The following KIF15 variants were observed in gnomAD, a reference collection of about 807,000 sequenced individuals.
KIF15 encodes kinesin-like protein KIF15.
In KIF15, 140 loss-of-function variants were observed where a neutral mutation model predicts 190.6. That is an observed-to-expected ratio of 0.73 (90% confidence interval 0.64 to 0.84). The LOEUF is 0.84. Among genes scored for constraint, KIF15 ranks in the 40% least tolerant of loss-of-function variants. The pLI is 0.00. For missense variants in KIF15, 1,372 were observed against 1,584.4 expected, an observed-to-expected ratio of 0.87 and a Z score of 2.28; for synonymous variants, 528 against 551.3, an observed-to-expected ratio of 0.96 and a Z score of 0.59.
chr3:44,794,806 A>G (rs976938367), intron 8 of KIF15, among the ~76,000 whole-genome samples: 1 of 152,078 alleles, frequency 6.6e-6, no homozygotes, highest in Non-Finnish European at 1.5e-5. Context: ...CTAAAAAAAT[A>G]CAAAAGTCAG....
At chr3:44,838,555 C>A in intron 27 of KIF15, 134 bp downstream of exon 27, 1 of 819,526 alleles carries the variant, frequency 1.2e-6, no homozygotes, top group Non-Finnish European at 1.8e-6. Context: ...GCAGTCTGGC[C>A]AACATGGTGA....
At position 44,826,434 on chromosome 3, in the gene KIF15, TGAA is replaced by T. The variant is rs1221531966; in HGVS notation, c.2766_2768del (p.Glu922del). The T allele has an allele frequency of 6.2e-7, 1 of 1,612,236 alleles. No individual in the cohort carries two copies. The highest frequency in any genetic ancestry group is 2.2e-5 in the East Asian group (1 of 44,852). ...GCAATAACAAATTATCATTACAGTTTGAAGAAGATAAAGAAAACAGTTCTAAGT... is the reference window on the plus strand; with the variant it reads ...GCAATAACAAATTATCATTACAGTTTGAAGATAAAGAAAACAGTTCTAAGT... On this transcript the variant is annotated inframe_deletion, in exon 22 of 35. Transcript: ENST00000326047.
At chr3:44,830,573 A>G (rs1421682925) in intron 25 of KIF15, among the ~76,000 whole-genome samples, 2 of 152,164 alleles carry the variant, frequency 1.3e-5, no homozygotes, top group East Asian at 3.8e-4. Context: ...TTCAGTGTTG[A>G]TGCTTTTCTC....
intron 11 of KIF15, 31 bp downstream of exon 11, chr3:44,800,468 G>A (rs1241401959): frequency 6.2e-7 from 1 of 1,602,306 alleles, no homozygotes; most frequent in Non-Finnish European, 8.5e-7. Context: ...TTTATCTTGG[G>A]GAAGACTGTA....
chr3:44,825,938 G>A (rs988044532), intron 20 of KIF15, 101 bp from the exon 21 acceptor site: 2 of 1,045,372 alleles, frequency 1.9e-6, no homozygotes, highest in Non-Finnish European at 2.8e-6. Flanking sequence ...ATGTGAGTTG[G>A]GAATGGGCTG....
At chr3:44,812,481 A>G (rs1167349425) in intron 18 of KIF15, among the ~76,000 whole-genome samples, 192 bp downstream of exon 18, 1 of 152,230 alleles carries the variant, frequency 6.6e-6, no homozygotes, top group Non-Finnish European at 1.5e-5. Context: ...CTTGTTACTT[A>G]GCATGCTGCT....
At chr3:44,866,220 C>T (rs1699321282) in intron 6 of KIF15, among the ~76,000 whole-genome samples, 1 of 151,792 alleles carries the variant, frequency 6.6e-6, no homozygotes. Context: ...CTACAGGCAC[C>T]CGCCACCATG....
Position 44,829,621 on chromosome 3 carries a change from A to G in KIF15, c.2944-350A>G, listed in dbSNP as rs1697930841. ...ATATATGCATATATATTATATATGTATATACATTATATATGTATATATTAT... is the reference window on the plus strand; with the variant it reads ...ATATATGCATATATATTATATATGTGTATACATTATATATGTATATATTAT... On this transcript the variant is annotated intron_variant, in intron 24 of 34. Coordinates refer to ENST00000326047, the MANE Select transcript of KIF15 (RefSeq NM_020242.3). Among the ~76,000 whole-genome samples the G allele has an allele frequency of 7.2e-5, 9 of 125,110 alleles. 1 individual carries two copies. Among genetic ancestry groups the G allele is most frequent in the African/African-American group, 2.7e-4 (8 of 29,674 alleles). The allele number at this position is 125,110 out of a possible 152,430, so 82.1% of individuals were successfully genotyped here. A position where few individuals can be genotyped will look rare whatever the true frequency, so the allele number is the denominator to read the frequency against.
intron 24 of KIF15, among the ~76,000 whole-genome samples, chr3:44,829,614 T>TATGTATATG: frequency 7.6e-6 from 1 of 132,230 alleles, no homozygotes; most frequent in African/African-American, 2.9e-5. Flanking sequence ...ATATATATTA[T>TATGTATATG]ATATGTATAT....
In KIF15 at chr3:44,775,359, C is replaced by T. The variant is rs760755440; in HGVS notation, c.168C>T (p.Ser56=). ...ACTTATGCTTATCTGTGCTGTCCTC[C>T]ACGAGTCTCCGGCTGCACTCCAACC... ...EQNLCLSVLS[S]TSLRLHSNPE... The change falls in exon 3 of 35, where the codon TCC becomes TCT. Residue 56 remains serine, a synonymous_variant. Transcript: ENST00000326047. 2 of 1,613,998 alleles carry T rather than the reference C, an allele frequency of 1.2e-6. No homozygotes were observed. Among genetic ancestry groups the T allele is most frequent in the Admixed American group, 3.3e-5 (2 of 60,004 alleles).
intron 20 of KIF15, among the ~76,000 whole-genome samples, chr3:44,816,837 C>T (rs1335298213): frequency 6.6e-6 from 1 of 152,222 alleles, no homozygotes; most frequent in Non-Finnish European, 1.5e-5. Flanking sequence ...AATGGTTTAA[C>T]TAATTTACGC....
At chr3:44,844,445 A>G (rs1698754456) in intron 30 of KIF15, among the ~76,000 whole-genome samples, 2 of 152,246 alleles carry the variant, frequency 1.3e-5, no homozygotes, top group South Asian at 4.1e-4. Flanking sequence ...TGCTCCATAT[A>G]TGTCCAATTC....
At chr3:44,774,902 T>G (rs1973547) in intron 2 of KIF15, among the ~76,000 whole-genome samples, 3 of 152,002 alleles carry the variant, frequency 2.0e-5, no homozygotes, top group Non-Finnish European at 2.9e-5. Context: ...GAGTTCAAGA[T>G]CAGCCTGGCC....
At chr3:44,866,703 A>G (rs1043756813) in intron 6 of KIF15, among the ~76,000 whole-genome samples, 2 of 152,164 alleles carry the variant, frequency 1.3e-5, no homozygotes, top group African/African-American at 4.8e-5. Context: ...GAATGAGCTT[A>G]CTAAAACCAT....
chr3:44,810,521 C>T (rs1429529754), intron 16 of KIF15, among the ~76,000 whole-genome samples: 10 of 152,044 alleles, frequency 6.6e-5, no homozygotes, highest in Admixed American at 3.3e-4. Flanking sequence ...CAGCCTCCCA[C>T]GGTGTTGGGA....
At chr3:44,829,424 T>G (rs1697862928) in intron 24 of KIF15, among the ~76,000 whole-genome samples, 1 of 140,278 alleles carries the variant, frequency 7.1e-6, no homozygotes, top group African/African-American at 2.6e-5. Flanking sequence ...CATATGTATA[T>G]ATAATATATA....
At position 44,810,869 on chromosome 3, in the gene KIF15, C is replaced by T. The variant is rs1707752139; in HGVS notation, c.1995C>T (p.Ala665=). 1 of 1,613,554 alleles carries T rather than the reference C, an allele frequency of 6.2e-7. No homozygotes were observed. The change falls in exon 17 of 35, where the codon GCC becomes GCT. Residue 665 remains alanine, a synonymous_variant. Coordinates refer to ENST00000326047, the MANE Select transcript of KIF15 (RefSeq NM_020242.3). ...AGATTATAACTACACCAACCAAGGC[C>T]TACCAACTTCATTCCCGACCAGTAC... ...TLKIITTPTK[A]YQLHSRPVPK... is the part of the protein sequence containing the mutation.
intron 20 of KIF15, among the ~76,000 whole-genome samples, chr3:44,821,169 GGC>G (rs1465505955): frequency 1.3e-5 from 2 of 148,630 alleles, no homozygotes; most frequent in African/African-American, 5.0e-5. Flanking sequence ...CAGCTGGCCG[GGC>G]AGAGGGGCTC....
At chr3:44,805,784 A>AT (rs1559550090) in intron 15 of KIF15, 61 bp from the exon 16 acceptor site, 7 of 1,440,390 alleles carry the variant, frequency 4.9e-6, no homozygotes, top group Non-Finnish European at 1.9e-6. Flanking sequence ...ACTGTAAAGT[A>AT]TTCTATAAAT....
Sources: allele counts gnomAD v4.1 joint callset (sites outside exome capture counted in the v4.1 genomes callset), GRCh38; gene constraint gnomAD v4.1.1; transcripts MANE v1.5; gene names NCBI Gene and HGNC (gene_info 2026-07-23, HGNC 2026-07-21).